The following FSD2 variants were observed in gnomAD, a reference collection of about 807,000 sequenced individuals.
FSD2 encodes fibronectin type III and SPRY domain containing 2.
Under a neutral mutation model 80.4 loss-of-function variants are expected in FSD2, and 71 were observed. The ratio of observed to expected loss-of-function variants is 0.88; its 90% CI spans 0.73 to 1.08. The LOEUF (loss-of-function observed/expected upper bound fraction) is 1.08. Among genes scored for constraint, FSD2 ranks in the 50% least tolerant of loss-of-function variants. The pLI is 0.00. For synonymous variants in FSD2, 361 were observed against 329.5 expected, an observed-to-expected ratio of 1.10 and a Z score of -1.03; for missense variants, 923 against 913.8, an observed-to-expected ratio of 1.01 and a Z score of -0.13.
rs60095355 is a variant in FSD2 at position 82,764,492 on chromosome 15, C to CTTTTTTTTTTTTTTT, written c.1820+659_1820+673dup. Among the ~76,000 whole-genome samples the CTTTTTTTTTTTTTTT allele has an allele frequency of 1.5e-3, 125 of 86,120 alleles. 10 individuals carry two copies. Among genetic ancestry groups the CTTTTTTTTTTTTTTT allele is most frequent in the South Asian group, 4.0e-3 (9 of 2,230 alleles). The allele number at this position is 86,120 out of a possible 152,430, so 56.5% of individuals were successfully genotyped here. ...CTCTTGTTGCTTCATTCTTTACTTG[C>CTTTTTTTTTTTTTTT]TTTTTTTTTTTTTTTTTTTTGAGAA... is the stretch of plus-strand genomic sequence containing the variant. On this transcript the variant is annotated intron_variant, in intron 11 of 12. Coordinates refer to ENST00000334574, the MANE Select transcript of FSD2 (RefSeq NM_001007122.4).
intron 3 of FSD2, 63 bp from the exon 4 acceptor site, chr15:82,783,088 G>T: frequency 8.1e-7 from 1 of 1,234,168 alleles, no homozygotes. Context: ...AGAGTCTTTT[G>T]TTTTTTGTTT....
At chr15:82,771,121 A>G (rs2049559159) in intron 7 of FSD2, among the ~76,000 whole-genome samples, 1 of 152,134 alleles carries the variant, frequency 6.6e-6, no homozygotes, top group African/African-American at 2.4e-5. Context: ...TTTCCTGGGC[A>G]GAAACACCAT....
intron 3 of FSD2, among the ~76,000 whole-genome samples, chr15:82,784,254 T>A (rs76851903): frequency 0.14 from 21,532 of 150,992 alleles, 1,675 homozygotes; most frequent in South Asian, 0.33. Context: ...TATTTTATTT[T>A]ATTTTTTTTT....
At chr15:82,786,361 G>A (rs2049996852) in intron 3 of FSD2, 150 bp downstream of exon 3, 1 of 642,442 alleles carries the variant, frequency 1.6e-6, no homozygotes, top group Non-Finnish European at 2.8e-6. Flanking sequence ...GCTATGGGAG[G>A]TCAGTGAAAG....
In FSD2 at chr15:82,784,290, G is replaced by A. The variant is rs184958006; in HGVS notation, c.736-1265C>T. On this transcript the variant is annotated intron_variant, in intron 3 of 12. Transcript: ENST00000334574. ...TATGGAGCCTCATTTTGCCACCCAGGTTGGAGTGCAGTGGAGCGATCTCAG... is the reference window on the plus strand; with the variant it reads ...TATGGAGCCTCATTTTGCCACCCAGATTGGAGTGCAGTGGAGCGATCTCAG... Among the ~76,000 whole-genome samples the A allele has an allele frequency of 1.1e-3, 172 of 151,726 alleles. No homozygotes were observed. The Middle Eastern group carries it at 0.014, about 12-fold the overall frequency.
At chr15:82,771,061 C>T (rs1410032152) in intron 7 of FSD2, among the ~76,000 whole-genome samples, 1 of 151,970 alleles carries the variant, frequency 6.6e-6, no homozygotes, top group African/African-American at 2.4e-5. Flanking sequence ...CTCTCACCCT[C>T]CCTCATCATC....
chr15:82,759,181 A>G lies in FSD2; in HGVS notation c.*167T>C. 1.4e-6 allele frequency: 1 copy of G among 693,094 alleles called. No individual in the cohort carries two copies. The highest frequency in any genetic ancestry group is 2.4e-6 in the Non-Finnish European group (1 of 424,052). The allele number at this position is 693,094 out of a possible 1,614,324, so 42.9% of individuals were successfully genotyped here. On this transcript the variant is annotated 3_prime_UTR_variant, in exon 13 of 13. Coordinates refer to ENST00000334574, the MANE Select transcript of FSD2 (RefSeq NM_001007122.4). ...CACACAGGTAGCAGCACACAGGACT[A>G]GAATCCAGGTTGGGTGAAATGAGCG...
Position 82,782,907 on chromosome 15 carries a change from A to G in FSD2, c.854T>C (p.Leu285Pro). The G allele has an allele frequency of 6.2e-7, 1 of 1,613,900 alleles. No homozygotes were observed. Among genetic ancestry groups the G allele is most frequent in the Non-Finnish European group, 8.5e-7 (1 of 1,179,870 alleles). Reference protein sequence around the residue: ...QALGEKKKEKLEALYGQLVSC... With the variant: ...QALGEKKKEKPEALYGQLVSC... Reference sequence around the variant, plus strand: ...GACCAGTTGTCCATATAAGGCTTCCAGCTTCTCTTTCTTTTTCTCCCCTAG... The same window carrying G: ...GACCAGTTGTCCATATAAGGCTTCCGGCTTCTCTTTCTTTTTCTCCCCTAG... The change falls in exon 4 of 13, where the codon CTG (leucine) becomes CCG (proline). Residue 285 changes from leucine (L) to proline (P), a missense_variant. Physicochemically the swap from Leu to Pro is moderately conservative, Grantham distance 98. Transcript: ENST00000334574.
intron 1 of FSD2, among the ~76,000 whole-genome samples, chr15:82,800,844 C>T (rs2050395866): frequency 6.6e-6 from 1 of 152,054 alleles, no homozygotes; most frequent in Non-Finnish European, 1.5e-5. Context: ...CCCAAATGTG[C>T]AGTTACATTT....
chr15:82,765,346 T>C, intron 10 of FSD2, 48 bp from the exon 11 acceptor site: 1 of 1,611,362 alleles, frequency 6.2e-7, no homozygotes, highest in Non-Finnish European at 8.5e-7. Context: ...TCACTTGCTT[T>C]CTCCATGTGG....
chr15:82,780,215 A>C, intron 5 of FSD2, 30 bp downstream of exon 5: 1 of 1,469,852 alleles, frequency 6.8e-7, no homozygotes, highest in South Asian at 1.3e-5. Context: ...AAAGTAAAAA[A>C]AGAAATACAT....
rs1008340253 is a variant in FSD2, at chr15:82,759,366, T to C, written c.2232A>G (p.Lys744=). ...LKVHNGISMP[K]HVTFY ...GAATGTTCTAATAGAAAGTGACATGTTTTGGCATTGAAATGCCATTATGTA... is the reference window on the plus strand; with the variant it reads ...GAATGTTCTAATAGAAAGTGACATGCTTTGGCATTGAAATGCCATTATGTA... The change falls in exon 13 of 13, where the codon AAA becomes AAG. Residue 744 remains lysine, a synonymous_variant. Transcript: ENST00000334574. 3.1e-6 allele frequency: 5 copies of C among 1,613,230 alleles called. No individual in the cohort carries two copies. The highest frequency in any genetic ancestry group is 4.2e-6 in the Non-Finnish European group (5 of 1,179,682).
chr15:82,768,868 C>T lies in FSD2; in HGVS notation c.1553+12G>A, dbSNP rs759246614. 5 of 1,512,170 alleles carry T rather than the reference C, an allele frequency of 3.3e-6. No homozygotes were observed. In the Admixed American group the frequency reaches 1.0e-4, roughly 31 times the overall value. 93.7% of individuals were successfully genotyped at this position (1,512,170 alleles called of 1,614,324 possible). ...AGGGCTCTCGTGCCCAGCAAATGCC[C>T]TCATGACTCACTCAGTTACACCCGA... On this transcript the variant is annotated intron_variant, in intron 9 of 12. Transcript: ENST00000334574.
intron 1 of FSD2, among the ~76,000 whole-genome samples, chr15:82,804,922 G>T (rs537084206): frequency 6.6e-6 from 1 of 152,098 alleles, no homozygotes; most frequent in Non-Finnish European, 1.5e-5. Context: ...ATCAGGATTT[G>T]GGGAGAAAGG....
In FSD2 at chr15:82,755,989, C is replaced by CT; in HGVS notation, c.*3358dup. 1 of 516,652 alleles carries CT rather than the reference C, an allele frequency of 1.9e-6. No homozygotes were observed. Among genetic ancestry groups the CT allele is most frequent in the Non-Finnish European group, 3.9e-6 (1 of 258,814 alleles). The allele number at this position is 516,652 out of a possible 1,614,324, so 32.0% of individuals were successfully genotyped here. On this transcript the variant is annotated 3_prime_UTR_variant, in exon 13 of 13. Coordinates refer to ENST00000334574, the MANE Select transcript of FSD2 (RefSeq NM_001007122.4). ...AGTCCTTGAAATCAAGCTGACTCTG[C>CT]TTTTAGCCTCCTAAATGAAAAGGTA...
intron 3 of FSD2, among the ~76,000 whole-genome samples, chr15:82,784,376 C>A (rs1052283419): frequency 5.3e-5 from 8 of 151,956 alleles, no homozygotes; most frequent in Admixed American, 3.3e-4. Flanking sequence ...TCCCAAGTAG[C>A]TGGGATTACA....
intron 1 of FSD2, among the ~76,000 whole-genome samples, chr15:82,791,466 G>C (rs1953714951): frequency 6.6e-6 from 1 of 151,966 alleles, no homozygotes; most frequent in Non-Finnish European, 1.5e-5. Context: ...TGCCTCCCGG[G>C]CTCAGGTGAT....
In FSD2 at chr15:82,786,822, A is replaced by G. The variant is rs1309602097; in HGVS notation, c.569T>C (p.Phe190Ser). ...CVTCKTPIRA[F>S]QKVFDEHKEH... ...CTTATGTTCATCAAAAACCTTCTGAAAAGCTCTTATTGGAGTCTTACAAGT... is the reference window on the plus strand; with the variant it reads ...CTTATGTTCATCAAAAACCTTCTGAGAAGCTCTTATTGGAGTCTTACAAGT... The change falls in exon 2 of 13, where the codon TTT becomes TCT. Residue 190 changes from phenylalanine to serine, a missense_variant. Phe to Ser is a radical substitution (Grantham distance 155). Transcript: ENST00000334574. 1.9e-6 allele frequency: 3 copies of G among 1,613,880 alleles called. No homozygotes were observed. Among genetic ancestry groups the G allele is most frequent in the East Asian group, 4.5e-5 (2 of 44,902 alleles).
chr15:82,781,073 A>G (rs2151511610), intron 4 of FSD2, among the ~76,000 whole-genome samples: 1 of 152,340 alleles, frequency 6.6e-6, no homozygotes, highest in East Asian at 1.9e-4. Context: ...ACACTATGTA[A>G]GCACTTTCCA....
Sources: allele counts gnomAD v4.1 joint callset (sites outside exome capture counted in the v4.1 genomes callset), GRCh38; gene constraint gnomAD v4.1.1; transcripts MANE v1.5; gene names NCBI Gene and HGNC (gene_info 2026-07-23, HGNC 2026-07-21).